Variants in ATP8B4 observed in about 807,000 individuals in gnomAD.
ATP8B4 encodes the protein ATPase phospholipid transporting 8B4 (putative), also known as probable phospholipid-transporting ATPase IM.
In ATP8B4, 133 loss-of-function variants were observed where a neutral mutation model predicts 145.6. That is an observed-to-expected ratio of 0.91 (90% CI 0.79 to 1.05). The LOEUF (loss-of-function observed/expected upper bound fraction) is 1.05, where lower values mean the gene tolerates loss of function less well. ATP8B4 is among the 50% of genes least tolerant of loss of function. The probability of loss-of-function intolerance (pLI) is 0.00; values close to 1 mark genes in which losing one functional copy is unlikely to be tolerated. For synonymous variants in ATP8B4, 507 were observed against 492.9 expected, an observed-to-expected ratio of 1.03 and a Z score of -0.38; for missense variants, 1,458 against 1,425.2, an observed-to-expected ratio of 1.02 and a Z score of -0.37.
intron 23 of ATP8B4, chr15:49,896,074 CA>C (rs986935066): frequency 6.6e-6 from 1 of 152,164 alleles, no homozygotes; most frequent in African/African-American, 2.4e-5. Context: ...CTTTGTTGGA[CA>C]AAGGAGGAAT....
At chr15:49,980,255 C>A (rs1052624592) in intron 11 of ATP8B4, among the ~76,000 whole-genome samples, 1 of 152,132 alleles carries the variant, frequency 6.6e-6, no homozygotes, top group Non-Finnish European at 1.5e-5. Flanking sequence ...TTGCTAATTA[C>A]CTTCTTTCCT....
intron 1 of ATP8B4, among the ~76,000 whole-genome samples, chr15:50,168,235 T>C (rs560113354): frequency 2.6e-5 from 4 of 151,832 alleles, no homozygotes; most frequent in Non-Finnish European, 5.9e-5. Context: ...AAGGCTCGCA[T>C]TGCGAATTTT....
chr15:50,093,094 C>T (rs1052074329), intron 2 of ATP8B4, among the ~76,000 whole-genome samples: 1 of 151,792 alleles, frequency 6.6e-6, no homozygotes, highest in African/African-American at 2.4e-5. Context: ...ATAGAATTCT[C>T]CACCCAGTGG....
intron 2 of ATP8B4, among the ~76,000 whole-genome samples, chr15:50,082,604 T>C (rs1018522172): frequency 1.3e-5 from 2 of 152,230 alleles, no homozygotes; most frequent in African/African-American, 4.8e-5. Context: ...AATTCATTAT[T>C]CATTCCTCTT....
At chr15:49,955,304 A>G (rs2043457919) in intron 14 of ATP8B4, among the ~76,000 whole-genome samples, 2 of 152,218 alleles carry the variant, frequency 1.3e-5, no homozygotes, top group Non-Finnish European at 2.9e-5. Context: ...AAACCTGCAC[A>G]TGTACCCCGA....
intron 2 of ATP8B4, among the ~76,000 whole-genome samples, chr15:50,100,131 C>T (rs2056258850): frequency 1.3e-5 from 2 of 151,858 alleles, no homozygotes; most frequent in Admixed American, 6.6e-5. Flanking sequence ...CCCCACAAGA[C>T]CCATGGCTGG....
At chr15:50,040,080 C>T (rs1246216532) in intron 5 of ATP8B4, among the ~76,000 whole-genome samples, 2 of 150,472 alleles carry the variant, frequency 1.3e-5, no homozygotes, top group Non-Finnish European at 1.5e-5. Context: ...AATATTCTCT[C>T]CTCCACCATA....
chr15:50,090,226 G>A (rs777455576), intron 2 of ATP8B4, among the ~76,000 whole-genome samples: 10 of 152,122 alleles, frequency 6.6e-5, no homozygotes, highest in East Asian at 1.9e-4. Context: ...GGGGAACAAC[G>A]GGAGGGAGAG....
At chr15:49,883,622 A>G (rs1471831991) in intron 23 of ATP8B4, 5 of 152,248 alleles carry the variant, frequency 3.3e-5, no homozygotes, top group African/African-American at 4.8e-5. Context: ...CAGTTTATAC[A>G]TGGGAAAACC....
At chr15:50,145,571 G>C (rs1359917606) in intron 1 of ATP8B4, among the ~76,000 whole-genome samples, 1 of 152,164 alleles carries the variant, frequency 6.6e-6, no homozygotes, top group East Asian at 1.9e-4. Context: ...TATTCTTGGA[G>C]TGTTACTGCC....
At chr15:49,875,643 G>A (rs1170004390) in intron 25 of ATP8B4, among the ~76,000 whole-genome samples, 1 of 152,126 alleles carries the variant, frequency 6.6e-6, no homozygotes, top group Non-Finnish European at 1.5e-5. Flanking sequence ...GACAAGCTTG[G>A]GCAACATAGC....
chr15:49,981,975 T>C (rs1438481966), intron 10 of ATP8B4, among the ~76,000 whole-genome samples: 4 of 152,184 alleles, frequency 2.6e-5, no homozygotes, highest in Non-Finnish European at 4.4e-5. Context: ...TATTAGATGA[T>C]AAACAAATAA....
intron 3 of ATP8B4, among the ~76,000 whole-genome samples, chr15:50,057,422 G>A (rs1456954520): frequency 5.9e-5 from 9 of 152,204 alleles, no homozygotes; most frequent in African/African-American, 1.4e-4. Context: ...CGTGAGCAAC[G>A]AGTCAGAAAC....
At chr15:49,928,059 A>T (rs1376683237) in intron 16 of ATP8B4, among the ~76,000 whole-genome samples, 2 of 152,162 alleles carry the variant, frequency 1.3e-5, no homozygotes, top group East Asian at 3.9e-4. Flanking sequence ...TGGGTTGAGT[A>T]GTATTTCATA....
At chr15:49,916,829 A>T in intron 20 of ATP8B4, 105 bp downstream of exon 20, 1 of 1,044,404 alleles carries the variant, frequency 9.6e-7, no homozygotes, top group Non-Finnish European at 1.4e-6. Flanking sequence ...CTAAGTTAAG[A>T]CCACAGGAAA....
chr15:50,165,983 AC>A (rs2044592796), intron 1 of ATP8B4, among the ~76,000 whole-genome samples: 1 of 151,490 alleles, frequency 6.6e-6, no homozygotes, highest in East Asian at 1.9e-4. Context: ...ACACACACAC[AC>A]ACACACACAC....
At chr15:50,175,595 A>G (rs897171139) in intron 1 of ATP8B4, among the ~76,000 whole-genome samples, 8 of 152,252 alleles carry the variant, frequency 5.3e-5, no homozygotes, top group Non-Finnish European at 1.0e-4. Context: ...GCATATTAAA[A>G]AATGCTCAAC....
intron 1 of ATP8B4, among the ~76,000 whole-genome samples, chr15:50,153,110 T>C (rs1339119544): frequency 1.3e-5 from 2 of 152,054 alleles, no homozygotes; most frequent in Admixed American, 6.5e-5. Context: ...TTGGAAAAAG[T>C]AAGAGCATGT....
rs776952913 is a variant in ATP8B4, at chr15:50,029,255, A to AAAAAAAAAAAAAAAAAAAAAAC, written c.362+9512_362+9513insGTTTTTTTTTTTTTTTTTTTTT. Among the ~76,000 whole-genome samples, 493 of 141,038 alleles carry AAAAAAAAAAAAAAAAAAAAAAC rather than the reference A, an allele frequency of 3.5e-3. 24 individuals carry two copies. The highest frequency in any genetic ancestry group is 5.4e-3 in the Non-Finnish European group (333 of 62,118). The allele number at this position is 141,038 out of a possible 152,430, so 92.5% of individuals were successfully genotyped here. ...CTCCATCTTAAAAAAAAAAAAAAAA[A>AAAAAAAAAAAAAAAAAAAAAAC]AACAGAAAAATACAGCAGAATTTTA... On this transcript the variant is annotated intron_variant, in intron 6 of 27. Transcript: ENST00000284509.
Sources: allele counts gnomAD v4.1 joint callset (sites outside exome capture counted in the v4.1 genomes callset), GRCh38; gene constraint gnomAD v4.1.1; transcripts MANE v1.5; gene names NCBI Gene and HGNC (gene_info 2026-07-23, HGNC 2026-07-21).